Variants in WDR17 observed in about 807,000 individuals in gnomAD.
WDR17 encodes WD repeat domain 17.
Under a neutral mutation model 161.7 loss-of-function variants are expected in WDR17, and 143 were observed. That is an observed-to-expected ratio of 0.88 (90% CI 0.77 to 1.02). The LOEUF (loss-of-function observed/expected upper bound fraction) is 1.02. Among genes scored for constraint, WDR17 ranks in the 50% least tolerant of loss-of-function variants. WDR17 has a pLI of 0.00. For synonymous variants in WDR17, 517 were observed against 515.6 expected, an observed-to-expected ratio of 1.00 and a Z score of -0.04; for missense variants, 1,469 against 1,520.9, an observed-to-expected ratio of 0.97 and a Z score of 0.57.
intron 6 of WDR17, among the ~76,000 whole-genome samples, chr4:176,130,252 T>A (rs1486242188): frequency 6.6e-6 from 1 of 152,134 alleles, no homozygotes; most frequent in African/African-American, 2.4e-5. Flanking sequence ...ATTAAAGTGT[T>A]AGAAAAACCA....
intron 22 of WDR17, among the ~76,000 whole-genome samples, 177 bp from the exon 23 acceptor site, chr4:176,168,495 T>C (rs1289179817): frequency 1.3e-5 from 2 of 152,184 alleles, no homozygotes; most frequent in African/African-American, 4.8e-5. Flanking sequence ...TCATGACCTT[T>C]GGTTTGGGTA....
chr4:176,118,909 C>G (rs183248456), intron 3 of WDR17, among the ~76,000 whole-genome samples: 10 of 151,740 alleles, frequency 6.6e-5, no homozygotes, highest in Admixed American at 4.6e-4. Context: ...TGCAGTGAGC[C>G]GAGATTGCAT....
intron 1 of WDR17, among the ~76,000 whole-genome samples, chr4:176,095,238 C>G (rs1364242528): frequency 6.6e-6 from 1 of 152,138 alleles, no homozygotes; most frequent in East Asian, 1.9e-4. Context: ...AAAACCTGAG[C>G]AGATAGGCAG....
At chr4:176,104,198 T>A (rs562483801) in intron 1 of WDR17, among the ~76,000 whole-genome samples, 1 of 152,242 alleles carries the variant, frequency 6.6e-6, no homozygotes, top group Middle Eastern at 3.4e-3. Flanking sequence ...GAGAAATTAA[T>A]ACATTTCCCA....
At chr4:176,131,365 A>G (rs534257571) in intron 6 of WDR17, among the ~76,000 whole-genome samples, 189 bp from the exon 7 acceptor site, 3 of 152,274 alleles carry the variant, frequency 2.0e-5, no homozygotes, top group South Asian at 2.1e-4. Flanking sequence ...GTACTTTAAA[A>G]TAATATCCAA....
chr4:176,144,341 A>G (rs1450466804), intron 11 of WDR17, among the ~76,000 whole-genome samples: 1 of 152,188 alleles, frequency 6.6e-6, no homozygotes, highest in Non-Finnish European at 1.5e-5. Context: ...TCTGAAATGT[A>G]AGCCCTATGA....
At chr4:176,126,428 G>T (rs925445819) in intron 5 of WDR17, among the ~76,000 whole-genome samples, 3 of 152,052 alleles carry the variant, frequency 2.0e-5, no homozygotes, top group Non-Finnish European at 2.9e-5. Context: ...AAAATAATAG[G>T]CAAAGACTCT....
At chr4:176,067,981 A>G (rs142292744) in intron 1 of WDR17, among the ~76,000 whole-genome samples, 311 of 152,330 alleles carry the variant, frequency 2.0e-3, no homozygotes, top group African/African-American at 6.8e-3. Flanking sequence ...AATGACGACT[A>G]AAATGTAATT....
intron 4 of WDR17, among the ~76,000 whole-genome samples, chr4:176,122,567 C>T (rs1741776595): frequency 1.3e-5 from 2 of 152,328 alleles, no homozygotes; most frequent in Middle Eastern, 3.4e-3. Flanking sequence ...CCTTTTAATT[C>T]TAACACTACA....
chr4:176,151,890 CTG>C lies in WDR17; in HGVS notation c.2384_2385del (p.Leu795GlnfsTer5). 6.2e-7 allele frequency: 1 copy of C among 1,613,314 alleles called. No homozygotes were observed. The highest frequency in any genetic ancestry group is 2.2e-5 in the East Asian group (1 of 44,788). On this transcript the variant is annotated frameshift_variant, in exon 17 of 29. Coordinates refer to ENST00000508596, the MANE Select transcript of WDR17 (RefSeq NM_181265.4). LOFTEE classifies it high-confidence loss of function. ...GIGVPAKEER[L>X]KEAAEIHLRL... Reference sequence around the variant, plus strand: ...TGGTGTACCTGCTAAAGAGGAAAGACTGAAGGAAGCTGCTGAAATCCACTTGA... The same window carrying C: ...TGGTGTACCTGCTAAAGAGGAAAGACAAGGAAGCTGCTGAAATCCACTTGA...
At chr4:176,125,865 A>G (rs1742370616) in intron 5 of WDR17, among the ~76,000 whole-genome samples, 2 of 152,210 alleles carry the variant, frequency 1.3e-5, no homozygotes, top group African/African-American at 4.8e-5. Flanking sequence ...ACTATAAACT[A>G]GTTTAGATTA....
rs772726741 is a variant in WDR17 at position 176,168,663 on chromosome 4, C to T, written c.2991-9C>T. ...CTCAATGAAGTGTCCCCTTTTGTTA[C>T]GTTAACAGGAATTTGGCAGCTGATC... On this transcript the variant is annotated splice_polypyrimidine_tract_variant and intron_variant, in intron 22 of 28. Coordinates refer to ENST00000508596, the MANE Select transcript of WDR17 (RefSeq NM_181265.4). 2 of 1,613,016 alleles carry T rather than the reference C, an allele frequency of 1.2e-6. No individual in the cohort carries two copies. Among genetic ancestry groups the T allele is most frequent in the Non-Finnish European group, 8.5e-7 (1 of 1,179,532 alleles).
intron 1 of WDR17, among the ~76,000 whole-genome samples, chr4:176,110,418 G>A (rs374764592): frequency 3.4e-4 from 51 of 152,232 alleles, no homozygotes; most frequent in African/African-American, 1.1e-3. Context: ...GAGCCACCGC[G>A]CCCAGCCTAT....
intron 1 of WDR17, among the ~76,000 whole-genome samples, chr4:176,069,848 A>G (rs1732997990): frequency 6.6e-6 from 1 of 152,190 alleles, no homozygotes; most frequent in East Asian, 1.9e-4. Flanking sequence ...ACAGCTCCAC[A>G]TGGAGTCTCA....
At position 176,115,829 on chromosome 4, in the gene WDR17, G is replaced by A. The variant is rs200135544; in HGVS notation, c.157G>A (p.Ala53Thr). The change falls in exon 3 of 29, where the codon GCA (alanine) becomes ACA (threonine). Residue 53 changes from alanine (A) to threonine (T), a missense_variant. Physicochemically the swap from Ala to Thr is moderately conservative, Grantham distance 58. Transcript: ENST00000508596. ...DHRYNEFKLH[A>T]IMSEHKKTIT... ...CCGTTATAATGAATTCAAACTTCACGCAATTATGTCTGAACATAAAAAAAC... is the reference window on the plus strand; with the variant it reads ...CCGTTATAATGAATTCAAACTTCACACAATTATGTCTGAACATAAAAAAAC... 21 of 1,605,330 alleles carry A rather than the reference G, an allele frequency of 1.3e-5. No individual in the cohort carries two copies. The highest frequency in any genetic ancestry group is 1.0e-4 in the Admixed American group (6 of 59,276).
At chr4:176,130,348 T>C (rs1743154537) in intron 6 of WDR17, among the ~76,000 whole-genome samples, 2 of 152,206 alleles carry the variant, frequency 1.3e-5, no homozygotes, top group South Asian at 4.1e-4. Flanking sequence ...CTTTTGTCAT[T>C]TGTAGTTCAT....
At chr4:176,151,517 A>C (rs1449732730) in intron 16 of WDR17, among the ~76,000 whole-genome samples, 35 of 152,202 alleles carry the variant, frequency 2.3e-4, no homozygotes, top group Admixed American at 2.3e-3. Flanking sequence ...TAAAGTTTAT[A>C]TGATCATCTG....
chr4:176,104,124 A>C lies in WDR17; in HGVS notation c.-6-7451A>C, dbSNP rs542679739. ...AATGGGCCAATATATTTAAAGTGCT[A>C]AAAGAAAAAAAGAATGTCAACCAAA... is the stretch of plus-strand genomic sequence containing the variant. On this transcript the variant is annotated intron_variant, in intron 1 of 28. Coordinates refer to ENST00000508596, the MANE Select transcript of WDR17 (RefSeq NM_181265.4). Among the ~76,000 whole-genome samples the C allele has an allele frequency of 1.6e-4, 25 of 152,262 alleles. No homozygotes were observed. In the South Asian group the frequency reaches 4.3e-3, roughly 26 times the overall value.
At position 176,177,809 on chromosome 4, in the gene WDR17, A is replaced by C. The variant is rs192310410; in HGVS notation, c.3732+155A>C. ...TACCTCTAGTGCTTCCATAGTTAGT[A>C]CAAGTGGCCTCTTTCTGCCTAAAAT... On this transcript the variant is annotated intron_variant, in intron 28 of 28. Coordinates refer to ENST00000508596, the MANE Select transcript of WDR17 (RefSeq NM_181265.4). 9.5e-4 allele frequency among the ~76,000 whole-genome samples: 144 copies of C among 152,056 alleles called. 1 individual carries two copies. The highest frequency in any genetic ancestry group is 3.2e-3 in the African/African-American group (133 of 41,476).
Sources: allele counts gnomAD v4.1 joint callset (sites outside exome capture counted in the v4.1 genomes callset), GRCh38; gene constraint gnomAD v4.1.1; transcripts MANE v1.5; gene names NCBI Gene and HGNC (gene_info 2026-07-23, HGNC 2026-07-21).